Variants in KCNIP3 observed in about 807,000 individuals in gnomAD.
KCNIP3 encodes the protein potassium voltage-gated channel interacting protein 3.
KCNIP3 carries 28 observed loss-of-function variants against 35.0 expected under a neutral mutation model. The ratio of observed to expected loss-of-function variants is 0.80; its 90% confidence interval spans 0.59 to 1.10. KCNIP3 has a LOEUF of 1.10. Ranked by LOEUF, KCNIP3 falls within the 50% of genes least tolerant of loss-of-function variation. The pLI, the probability that KCNIP3 is intolerant of heterozygous loss-of-function variation, is 0.00. For missense variants in KCNIP3, 295 were observed against 338.4 expected (o/e 0.87, Z 1.01); for synonymous variants, 134 against 133.8 (o/e 1.00, Z -0.01).
intron 2 of KCNIP3, among the ~76,000 whole-genome samples, chr2:95,319,013 G>A (rs1678526263): frequency 6.6e-6 from 1 of 152,218 alleles, no homozygotes; most frequent in South Asian, 2.1e-4. Flanking sequence ...AGGGACCAGG[G>A]GCTCATCCCC....
intron 1 of KCNIP3, among the ~76,000 whole-genome samples, chr2:95,305,511 C>T (rs777988399): frequency 2.0e-5 from 3 of 152,170 alleles, no homozygotes; most frequent in Non-Finnish European, 2.9e-5. Context: ...TTCACACGCA[C>T]TCATTTCCGT....
At chr2:95,325,882 T>TAC (rs568958574) in intron 2 of KCNIP3, among the ~76,000 whole-genome samples, 1 of 132,454 alleles carries the variant, frequency 7.5e-6, no homozygotes, top group African/African-American at 2.9e-5. Context: ...CACTCAGACA[T>TAC]ACACACACTC....
chr2:95,379,293 T>C (rs1358546210), intron 5 of KCNIP3, among the ~76,000 whole-genome samples: 5 of 152,236 alleles, frequency 3.3e-5, no homozygotes, highest in Non-Finnish European at 7.3e-5. Flanking sequence ...GATCTTTTCC[T>C]TTCCTTTGCC....
chr2:95,321,460 T>G (rs1239883307), intron 2 of KCNIP3, among the ~76,000 whole-genome samples: 4 of 152,140 alleles, frequency 2.6e-5, no homozygotes, highest in Admixed American at 2.6e-4. Flanking sequence ...GGGTCAGGGC[T>G]GGGGCTGGGG....
At chr2:95,341,745 G>T (rs1679199796) in intron 2 of KCNIP3, among the ~76,000 whole-genome samples, 1 of 152,304 alleles carries the variant, frequency 6.6e-6, no homozygotes, top group Non-Finnish European at 1.5e-5. Flanking sequence ...CTGTGCTCTT[G>T]CTAGTGACAC....
At chr2:95,315,834 G>A (rs772036639) in intron 2 of KCNIP3, among the ~76,000 whole-genome samples, 2 of 152,188 alleles carry the variant, frequency 1.3e-5, no homozygotes, top group East Asian at 1.9e-4. Flanking sequence ...CGCAGCCCCC[G>A]CAGGTACAGC....
At chr2:95,342,297 A>ACT (rs1238104997) in intron 2 of KCNIP3, among the ~76,000 whole-genome samples, 4 of 152,090 alleles carry the variant, frequency 2.6e-5, no homozygotes, top group Non-Finnish European at 5.9e-5. Flanking sequence ...AGCATTAACC[A>ACT]CTCTGTGCTT....
chr2:95,349,171 C>T (rs1404477113), intron 2 of KCNIP3, among the ~76,000 whole-genome samples: 1 of 152,100 alleles, frequency 6.6e-6, no homozygotes, highest in African/African-American at 2.4e-5. Flanking sequence ...CAGCCGAGGG[C>T]CTGGAAGCTC....
At chr2:95,297,582 T>TG in intron 1 of KCNIP3, 129 bp downstream of exon 1, 1 of 773,664 alleles carries the variant, frequency 1.3e-6, no homozygotes, top group Non-Finnish European at 2.1e-6. Context: ...CACTTTCCTT[T>TG]GGGGAAAGTG....
chr2:95,316,675 A>G (rs1277650053), intron 2 of KCNIP3, among the ~76,000 whole-genome samples: 2 of 152,336 alleles, frequency 1.3e-5, no homozygotes, highest in East Asian at 3.9e-4. Context: ...AAGTCTCTGG[A>G]AGACAGATGC....
chr2:95,311,124 A>T (rs1228785149), intron 2 of KCNIP3: 1 of 161,180 alleles, frequency 6.2e-6, no homozygotes, highest in East Asian at 1.8e-4. Flanking sequence ...GTGTTTGCCG[A>T]GTATAACAGG....
intron 2 of KCNIP3, chr2:95,347,032 G>T (rs1176155571): frequency 6.2e-7 from 1 of 1,609,774 alleles, no homozygotes; most frequent in Admixed American, 1.7e-5. Context: ...GGGCATCCAG[G>T]GCATGGAGCT....
At chr2:95,315,602 C>G (rs568366030) in intron 2 of KCNIP3, among the ~76,000 whole-genome samples, 78 of 152,350 alleles carry the variant, frequency 5.1e-4, no homozygotes, top group African/African-American at 1.8e-3. Flanking sequence ...CTTCGGCCCT[C>G]TCTTCTTCAG....
chr2:95,312,078 T>G (rs1678335214), intron 2 of KCNIP3: 1 of 152,102 alleles, frequency 6.6e-6, no homozygotes, highest in Non-Finnish European at 1.5e-5. Flanking sequence ...GGGCACAGCT[T>G]CAGGTCGCTC....
At chr2:95,363,451 C>T (rs1490026255) in intron 2 of KCNIP3, among the ~76,000 whole-genome samples, 3 of 152,184 alleles carry the variant, frequency 2.0e-5, no homozygotes, top group Admixed American at 6.5e-5. Flanking sequence ...TTTGTTGGTA[C>T]GTTTGTCTGT....
At chr2:95,351,635 C>T (rs775450129) in intron 2 of KCNIP3, among the ~76,000 whole-genome samples, 1 of 152,232 alleles carries the variant, frequency 6.6e-6, no homozygotes, top group Non-Finnish European at 1.5e-5. Context: ...CAGATTCCCA[C>T]AGATGTCATG....
intron 2 of KCNIP3, among the ~76,000 whole-genome samples, chr2:95,317,789 G>A (rs906222363): frequency 6.6e-6 from 1 of 152,228 alleles, no homozygotes; most frequent in African/African-American, 2.4e-5. Context: ...CGCCTGCACA[G>A]TGGCAGGCAG....
chr2:95,324,500 G>A (rs890572853), intron 2 of KCNIP3, among the ~76,000 whole-genome samples: 2 of 130,138 alleles, frequency 1.5e-5, no homozygotes, highest in African/African-American at 2.7e-5. Context: ...GCGACAGAGC[G>A]AGACTCCGTC....
rs1573526298 is a variant in KCNIP3, at chr2:95,384,166, T to C, written c.*117T>C. On this transcript the variant is annotated 3_prime_UTR_variant, in exon 9 of 9. Transcript: ENST00000295225. The stretch of plus-strand genomic sequence containing the variant: ...ATAGATTTGCAAAAAGTGAACAGAT[T>C]GCTACACACACACACACACACACAC... 1 of 515,954 alleles carries C rather than the reference T, an allele frequency of 1.9e-6. No individual in the cohort carries two copies. 32.0% of individuals were successfully genotyped at this position (515,954 alleles called of 1,614,324 possible).
Sources: gnomAD v4.1 joint callset for allele counts (sites outside exome capture counted in the v4.1 genomes callset) on GRCh38, gnomAD v4.1.1 for gene constraint, MANE v1.5 for transcripts, NCBI Gene and HGNC (gene_info 2026-07-23, HGNC 2026-07-21) for gene names.